Variants in CPXM2 observed in about 807,000 individuals in gnomAD.
CPXM2 encodes the protein inactive carboxypeptidase-like protein X2.
In CPXM2, 66 loss-of-function variants were observed where a neutral mutation model predicts 86.1. The ratio of observed to expected loss-of-function variants is 0.77; its 90% CI spans 0.63 to 0.94. The LOEUF (loss-of-function observed/expected upper bound fraction) is 0.94. Among genes scored for constraint, CPXM2 ranks in the 40% least tolerant of loss-of-function variants. CPXM2 has a pLI of 0.00. For missense variants in CPXM2, 948 were observed against 1,026.3 expected (o/e 0.92, Z 1.04); for synonymous variants, 388 against 400.2 (o/e 0.97, Z 0.36).
chr10:123,768,807 A>C, intron 8 of CPXM2, 85 bp from the exon 9 acceptor site: 1 of 1,196,788 alleles, frequency 8.4e-7, no homozygotes, highest in South Asian at 1.3e-5. Flanking sequence ...TTGGGGGGAA[A>C]GTCTTGAATA....
intron 3 of CPXM2, among the ~76,000 whole-genome samples, chr10:123,854,374 A>AAT (rs1325822716): frequency 3.6e-5 from 3 of 83,086 alleles, no homozygotes; most frequent in East Asian, 2.4e-4. Context: ...ATATATATAT[A>AAT]ATATATATAT....
chr10:123,754,641 G>A lies in CPXM2; in HGVS notation c.2017+22C>T. 3.1e-6 allele frequency: 4 copies of A among 1,272,070 alleles called. No individual in the cohort carries two copies. Among genetic ancestry groups the A allele is most frequent in the Non-Finnish European group, 3.5e-6 (3 of 867,778 alleles). 78.8% of individuals were successfully genotyped at this position (1,272,070 alleles called of 1,614,324 possible). On this transcript the variant is annotated intron_variant, in intron 13 of 13. Transcript: ENST00000241305. The surrounding 1 kb of genome is among the most constrained non-coding windows in gnomAD (Gnocchi z 4.0). ...AATGGGTATTTCTTACCAAGAGACAGTCTGCACACATTTGCAGTTACCTGT... is the reference window on the plus strand; with the variant it reads ...AATGGGTATTTCTTACCAAGAGACAATCTGCACACATTTGCAGTTACCTGT...
intron 4 of CPXM2, among the ~76,000 whole-genome samples, chr10:123,831,437 G>A (rs573388462): frequency 2.0e-5 from 3 of 152,250 alleles, no homozygotes; most frequent in African/African-American, 7.2e-5. Context: ...AGGCATAGAG[G>A]AGGCTGGTCA....
intron 6 of CPXM2, among the ~76,000 whole-genome samples, chr10:123,795,398 G>A (rs1847312137): frequency 6.6e-6 from 1 of 152,152 alleles, no homozygotes; most frequent in South Asian, 2.1e-4. Context: ...GAGTTCACAG[G>A]AAGATAGTGA....
chr10:123,831,500 A>G (rs1369167050), intron 4 of CPXM2, among the ~76,000 whole-genome samples: 1 of 152,226 alleles, frequency 6.6e-6, no homozygotes, highest in African/African-American at 2.4e-5. Flanking sequence ...TGTGGGCACC[A>G]TTAATTTACT....
chr10:123,900,920 C>T (rs1945376236), intron 2 of CPXM2, among the ~76,000 whole-genome samples: 1 of 151,978 alleles, frequency 6.6e-6, no homozygotes, highest in African/African-American at 2.4e-5. Context: ...TTGAATGAAT[C>T]GATCCTTTTT....
intron 4 of CPXM2, among the ~76,000 whole-genome samples, chr10:123,827,756 A>G (rs1328598192): frequency 6.6e-6 from 1 of 152,232 alleles, no homozygotes; most frequent in East Asian, 1.9e-4. Context: ...AAGAATAGCT[A>G]AAACAATTTC....
At chr10:123,750,472 G>A (rs200405322) in intron 13 of CPXM2, 2 of 985,174 alleles carry the variant, frequency 2.0e-6, no homozygotes, top group Admixed American at 6.1e-5. Flanking sequence ...CTAAAGGCCA[G>A]CCTGTGTATG....
intron 9 of CPXM2, among the ~76,000 whole-genome samples, chr10:123,767,995 G>A (rs1298042904): frequency 4.6e-5 from 7 of 152,200 alleles, no homozygotes; most frequent in South Asian, 2.1e-4. Context: ...CCAGTTGGTC[G>A]GCATGTCCAC....
At chr10:123,801,242 C>T (rs1847451360) in intron 4 of CPXM2, among the ~76,000 whole-genome samples, 1 of 152,156 alleles carries the variant, frequency 6.6e-6, no homozygotes, top group Non-Finnish European at 1.5e-5. Context: ...CTCACAAGAC[C>T]TGACGGTTTT....
upstream of CPXM2, among the ~76,000 whole-genome samples, chr10:123,942,747 G>T (rs11522573): frequency 0.12 from 17,996 of 152,102 alleles, 1,170 homozygotes; most frequent in South Asian, 0.17. Context: ...CCATCTTTTT[G>T]TTTCCTTACT....
intron 2 of CPXM2, among the ~76,000 whole-genome samples, chr10:123,912,412 C>G (rs1945498266): frequency 6.6e-6 from 1 of 151,662 alleles, no homozygotes; most frequent in Admixed American, 6.6e-5. Flanking sequence ...ACTGGCATTT[C>G]TCTCCCCAGG....
chr10:123,865,105 C>A lies in CPXM2; in HGVS notation c.404-2382G>T, dbSNP rs1006819482. Among the ~76,000 whole-genome samples the A allele has an allele frequency of 6.6e-6, 1 of 152,212 alleles. No homozygotes were observed. Among genetic ancestry groups the A allele is most frequent in the African/African-American group, 2.4e-5 (1 of 41,464 alleles). The stretch of plus-strand genomic sequence containing the variant: ...AAAGCCAGAAACTTCACCCCCTCCA[C>A]CCACAGCACAGATGATGACTTTGGT... On this transcript the variant is annotated intron_variant, in intron 2 of 13. Coordinates refer to ENST00000241305, the MANE Select transcript of CPXM2 (RefSeq NM_198148.3). This position sits in a 1 kb window ranked among gnomAD's most constrained non-coding sequence, Gnocchi z 4.7.
intron 7 of CPXM2, among the ~76,000 whole-genome samples, chr10:123,775,209 C>A (rs866832470): frequency 6.6e-6 from 1 of 152,212 alleles, no homozygotes; most frequent in African/African-American, 2.4e-5. Flanking sequence ...TTGCTGCACA[C>A]TGTGACCATT....
intron 4 of CPXM2, among the ~76,000 whole-genome samples, chr10:123,824,095 C>A (rs61863825): frequency 0.056 from 8,537 of 152,250 alleles, 307 homozygotes; most frequent in South Asian, 0.083. Context: ...ACATTCAGAG[C>A]AGGACTAAAA....
At chr10:123,829,374 A>ATT (rs146304078) in intron 4 of CPXM2, among the ~76,000 whole-genome samples, 4,282 of 146,966 alleles carry the variant, frequency 0.029, 80 homozygotes, top group African/African-American at 0.054. Context: ...GTGGAAAAAA[A>ATT]ATTTTTTTTT....
chr10:123,896,771 A>G (rs933999901), upstream of CPXM2, among the ~76,000 whole-genome samples: 1 of 152,216 alleles, frequency 6.6e-6, no homozygotes, highest in Non-Finnish European at 1.5e-5. Context: ...CGCAGGATAC[A>G]CCGGAGCCTG....
rs558031287 is a variant in CPXM2, at chr10:123,751,497, G to C, written c.2017+3166C>G. ...CGCCACCCTGACACATCTCCTATACGTGGGCAGAAGGGGCAACTCAGGCCC... is the reference window on the plus strand; with the variant it reads ...CGCCACCCTGACACATCTCCTATACCTGGGCAGAAGGGGCAACTCAGGCCC... On this transcript the variant is annotated intron_variant, in intron 13 of 13. Transcript: ENST00000241305. 7.1e-6 allele frequency: 7 copies of C among 984,398 alleles called. No homozygotes were observed. In the South Asian group the frequency reaches 1.4e-4, roughly 20 times the overall value. 61.0% of individuals were successfully genotyped at this position (984,398 alleles called of 1,614,324 possible).
intron 2 of CPXM2, among the ~76,000 whole-genome samples, chr10:123,928,897 A>T (rs74162979): frequency 5.7e-4 from 87 of 152,306 alleles, no homozygotes; most frequent in African/African-American, 2.0e-3. Context: ...TACTTGGTTT[A>T]TGCCACTAAG....
Sources: allele counts gnomAD v4.1 joint callset (sites outside exome capture counted in the v4.1 genomes callset), GRCh38; gene constraint gnomAD v4.1.1; non-coding constraint Gnocchi (gnomAD v3.1); transcripts MANE v1.5; gene names NCBI Gene and HGNC (gene_info 2026-07-23, HGNC 2026-07-21).